The following RGS6 variants were observed in gnomAD, a reference collection of about 807,000 sequenced individuals.
RGS6 encodes regulator of G protein signaling 6.
A neutral mutation model predicts 78.5 loss-of-function variants in RGS6; 30 were observed. The ratio of observed to expected loss-of-function variants is 0.38; its 90% CI spans 0.29 to 0.52. The LOEUF (loss-of-function observed/expected upper bound fraction) is 0.52. Among genes scored for constraint, RGS6 ranks in the 20% least tolerant of loss-of-function variants. The pLI is 0.85. For missense variants in RGS6, 495 were observed against 609.7 expected (o/e 0.81, Z 1.98); for synonymous variants, 206 against 206.0 (o/e 1.00, Z 0.00).
At chr14:72,626,529 C>G in the RGS6 span, among the ~76,000 whole-genome samples, 2 of 152,096 alleles carry the variant, frequency 1.3e-5, no homozygotes, top group Non-Finnish European at 2.9e-5. Context: ...TTTTTTACAG[C>G]TGTATAGTAC....
At chr14:72,321,656 T>C (rs952432378) in intron 2 of RGS6, among the ~76,000 whole-genome samples, 1 of 152,030 alleles carries the variant, frequency 6.6e-6, no homozygotes, top group Non-Finnish European at 1.5e-5. Flanking sequence ...GAAGATCTAA[T>C]AGTCATTAAG....
intron 2 of RGS6, among the ~76,000 whole-genome samples, chr14:71,983,719 A>T (rs2094560729): frequency 6.6e-6 from 1 of 152,202 alleles, no homozygotes; most frequent in Admixed American, 6.5e-5. Context: ...ATTTAGGCCT[A>T]CATCCCCATA....
intron 1 of RGS6, among the ~76,000 whole-genome samples, chr14:71,942,056 T>C (rs1295469108): frequency 6.6e-6 from 1 of 152,218 alleles, no homozygotes; most frequent in African/African-American, 2.4e-5. Context: ...TTTTCTCTTA[T>C]GGAGGAATAT....
At chr14:71,871,632 T>G in the RGS6 span, among the ~76,000 whole-genome samples, 1 of 152,148 alleles carries the variant, frequency 6.6e-6, no homozygotes, top group Admixed American at 6.5e-5. Flanking sequence ...GTTACCTAGG[T>G]GTCACCTGCA....
chr14:72,427,380 G>A (rs758172820), intron 3 of RGS6, among the ~76,000 whole-genome samples: 1 of 152,162 alleles, frequency 6.6e-6, no homozygotes, highest in Non-Finnish European at 1.5e-5. Context: ...GCTGTTGTAG[G>A]TATCCACTGG....
At chr14:72,526,351 C>T (rs763461328) in intron 15 of RGS6, among the ~76,000 whole-genome samples, 10 of 152,120 alleles carry the variant, frequency 6.6e-5, no homozygotes, top group African/African-American at 9.7e-5. Context: ...ATGATCTGCC[C>T]GCCTTGGCCT....
intron 3 of RGS6, among the ~76,000 whole-genome samples, chr14:72,450,209 G>A (rs1026347028): frequency 3.3e-5 from 5 of 151,788 alleles, no homozygotes; most frequent in African/African-American, 1.2e-4. Flanking sequence ...ATATTTTACA[G>A]TAACCCTGTT....
At chr14:72,358,162 A>G (rs2332829) in intron 3 of RGS6, among the ~76,000 whole-genome samples, 92,845 of 152,090 alleles carry the variant, frequency 0.61, 31,119 homozygotes, top group African/African-American at 0.9. Context: ...TTCAAAGGAT[A>G]TATAGAAACA....
intron 2 of RGS6, among the ~76,000 whole-genome samples, chr14:72,119,684 G>T (rs2095999737): frequency 6.6e-6 from 1 of 151,928 alleles, no homozygotes; most frequent in Non-Finnish European, 1.5e-5. Context: ...GAAGGAAAGA[G>T]AGAGAGAAAG....
chr14:72,294,618 G>A (rs1476701), intron 2 of RGS6, among the ~76,000 whole-genome samples: 23,176 of 152,116 alleles, frequency 0.15, 1,795 homozygotes, highest in East Asian at 0.21. Context: ...GGTGGCATCT[G>A]CTTGGCTTCT....
intron 2 of RGS6, among the ~76,000 whole-genome samples, chr14:72,182,137 C>G (rs2097180753): frequency 6.6e-6 from 1 of 152,102 alleles, no homozygotes. Flanking sequence ...AGGCCAGGCG[C>G]AGTGGCTCAC....
chr14:72,624,398 G>C, the RGS6 span, among the ~76,000 whole-genome samples: 44,667 of 144,410 alleles, frequency 0.31, 7,904 homozygotes, highest in East Asian at 0.68. Flanking sequence ...GAGTGCAGTG[G>C]TGCCATCTCG....
chr14:72,432,722 T>C (rs1425201567), intron 3 of RGS6, among the ~76,000 whole-genome samples: 4 of 152,180 alleles, frequency 2.6e-5, no homozygotes, highest in African/African-American at 7.2e-5. Context: ...TTCCAGAAAG[T>C]GTGGATGAGT....
At chr14:71,897,616 G>A in the RGS6 span, among the ~76,000 whole-genome samples, 17 of 152,216 alleles carry the variant, frequency 1.1e-4, no homozygotes, top group African/African-American at 3.4e-4. Flanking sequence ...CACCTCCTGG[G>A]TTCAAGTGAT....
intron 2 of RGS6, among the ~76,000 whole-genome samples, chr14:72,295,315 T>A (rs1263829021): frequency 1.3e-5 from 2 of 151,680 alleles, no homozygotes; most frequent in African/African-American, 4.8e-5. Context: ...AAGAACCCTT[T>A]GTTCAAATAA....
intron 1 of RGS6, among the ~76,000 whole-genome samples, chr14:71,951,134 A>G (rs1253829696): frequency 1.3e-5 from 2 of 152,214 alleles, no homozygotes; most frequent in Non-Finnish European, 2.9e-5. Context: ...ACTTTTCATG[A>G]TAGCAAATAC....
At chr14:72,447,575 G>A (rs2095396762) in intron 3 of RGS6, among the ~76,000 whole-genome samples, 1 of 152,194 alleles carries the variant, frequency 6.6e-6, no homozygotes, top group Non-Finnish European at 1.5e-5. Context: ...TGGCTGGTAT[G>A]AGGTCCCTGA....
intron 2 of RGS6, among the ~76,000 whole-genome samples, chr14:72,322,814 G>A (rs1276281959): frequency 1.3e-5 from 2 of 151,942 alleles, no homozygotes; most frequent in Non-Finnish European, 2.9e-5. Context: ...ATAAATACTT[G>A]AACAGGTGTT....
At position 72,231,407 on chromosome 14, in the gene RGS6, A is replaced by G. The variant is rs557176281; in HGVS notation, c.85-120688A>G. Among the ~76,000 whole-genome samples the G allele has an allele frequency of 3.9e-5, 6 of 152,334 alleles. No individual in the cohort carries two copies. In the East Asian group the frequency reaches 7.7e-4, roughly 20 times the overall value. On this transcript the variant is annotated intron_variant, in intron 2 of 17. Coordinates refer to ENST00000553525, the MANE Select transcript of RGS6 (RefSeq NM_001204424.2). ...ATATTGGAGTTTATTTATTTACTCA[A>G]CCACCAGTTATTTAATAAGCATTGA... is the stretch of plus-strand genomic sequence containing the variant.
Sources: allele counts gnomAD v4.1 joint callset (sites outside exome capture counted in the v4.1 genomes callset), GRCh38; gene constraint gnomAD v4.1.1; transcripts MANE v1.5; gene names NCBI Gene and HGNC (gene_info 2026-07-23, HGNC 2026-07-21).